The following MIDEAS variants were observed in gnomAD, a reference collection of about 807,000 sequenced individuals.
MIDEAS encodes mitotic deacetylase-associated SANT domain protein.
In MIDEAS, 26 loss-of-function variants were observed where a neutral mutation model predicts 102.7. The observed-to-expected ratio is 0.25, with a 90% CI of 0.19 to 0.35. The LOEUF is 0.35. Ranked by LOEUF, MIDEAS falls within the 10% of genes least tolerant of loss-of-function variation. The pLI is 1.00. For missense variants in MIDEAS, 1,231 were observed against 1,435.6 expected, an observed-to-expected ratio of 0.86 and a Z score of 2.30; for synonymous variants, 585 against 591.0, an observed-to-expected ratio of 0.99 and a Z score of 0.15.
At position 73,738,733 on chromosome 14, in the gene MIDEAS, G is replaced by A. The variant is rs760323523; in HGVS notation, c.1276C>T (p.Pro426Ser). The change falls in exon 2 of 13, where the codon CCT becomes TCT. Residue 426 changes from proline (P) to serine (S), a missense_variant. Around this residue, in one of 5 missense-constraint regions of MIDEAS, gnomAD observed 758 missense variants for 856.0 expected, o/e 0.89. Transcript: ENST00000423556. ...LAPNGREREA[P>S]AMGSEEGMRA... ...ATGCCCTCCTCGCTGCCCATGGCAG[G>A]AGCCTCTCGCTCCCGGCCATTGGGT... 10 of 1,612,520 alleles carry A rather than the reference G, an allele frequency of 6.2e-6. No homozygotes were observed. Among genetic ancestry groups the A allele is most frequent in the African/African-American group, 1.3e-5 (1 of 74,920 alleles).
At chr14:73,749,570 TATATA>T (rs1478966601) in intron 1 of MIDEAS, among the ~76,000 whole-genome samples, 22 of 147,486 alleles carry the variant, frequency 1.5e-4, no homozygotes, top group African/African-American at 2.2e-4. Context: ...TTTTATATAT[TATATA>T]ATATAATATA....
In MIDEAS at chr14:73,766,833, G is replaced by C. The variant is rs184676890; in HGVS notation, c.-248+20269C>G. Among the ~76,000 whole-genome samples, 377 of 146,504 alleles carry C rather than the reference G, an allele frequency of 2.6e-3. 10 individuals are homozygous for C. The highest frequency in any genetic ancestry group is 0.023 in the Admixed American group (330 of 14,384). Reference sequence around the variant, plus strand: ...CTCCCAAAGTGCTGGGTTTACAGGCGTGTGCCACTGCCCGGCCATTTTTTT... The same window carrying C: ...CTCCCAAAGTGCTGGGTTTACAGGCCTGTGCCACTGCCCGGCCATTTTTTT... On this transcript the variant is annotated intron_variant, in intron 1 of 11. Coordinates refer to the MIDEAS transcript ENST00000394071.
chr14:73,723,255 G>C (rs1008939408), intron 9 of MIDEAS: 2 of 158,868 alleles, frequency 1.3e-5, no homozygotes, highest in Admixed American at 1.2e-4. Flanking sequence ...AATAATTCTC[G>C]TGCCTCAGCT....
chr14:73,735,011 A>G (rs936559907), intron 3 of MIDEAS, among the ~76,000 whole-genome samples: 1 of 152,242 alleles, frequency 6.6e-6, no homozygotes, highest in Non-Finnish European at 1.5e-5. Context: ...CAAGTATTTA[A>G]GTAATTACAT....
chr14:73,756,295 T>TGTGTGTGTGTGTGTGTGCGCGC (rs55692592), intron 1 of MIDEAS, among the ~76,000 whole-genome samples: 4 of 127,626 alleles, frequency 3.1e-5, no homozygotes, highest in African/African-American at 1.1e-4. Flanking sequence ...TGTGTGTGTG[T>TGTGTGTGTGTGTGTGTGCGCGC]GCGCGCGCGC....
chr14:73,737,350 G>A (rs62006078), intron 2 of MIDEAS, 53 bp from the exon 3 acceptor site: 159,014 of 1,542,958 alleles, frequency 0.1, 16,841 homozygotes, highest in East Asian at 0.63. Context: ...ATAGCCAGGC[G>A]CAGTGGCTCA....
In MIDEAS at chr14:73,725,483, C is replaced by A; in HGVS notation, c.2486-123G>T. ...TGGTTTCTGCAGGCATCAGAGCCGG[C>A]TCCTCGTCCCACTTCCATGTGCCTC... On this transcript the variant is annotated intron_variant, in intron 8 of 12. Coordinates refer to ENST00000423556, the MANE Select transcript of MIDEAS (RefSeq NM_001367710.1). The surrounding 1 kb of genome is among the most constrained non-coding windows in gnomAD (Gnocchi z 4.1). The A allele has an allele frequency of 2.8e-6, 2 of 719,680 alleles. No homozygotes were observed. Among genetic ancestry groups the A allele is most frequent in the Non-Finnish European group, 4.8e-6 (2 of 412,436 alleles). The allele number at this position is 719,680 out of a possible 1,614,324, so 44.6% of individuals were successfully genotyped here.
At chr14:73,761,874 C>G (rs1329414036), upstream of MIDEAS, among the ~76,000 whole-genome samples, 2 of 152,170 alleles carry the variant, frequency 1.3e-5, no homozygotes, top group Non-Finnish European at 2.9e-5. Flanking sequence ...GCATCTGTGA[C>G]CTCTCTGCTC....
intron 1 of MIDEAS, among the ~76,000 whole-genome samples, chr14:73,756,287 T>TGCGCGCGC (rs1462045604): frequency 1.0e-5 from 1 of 99,612 alleles, no homozygotes; most frequent in African/African-American, 3.8e-5. Flanking sequence ...TGTGTGTGTG[T>TGCGCGCGC]GTGTGTGTGC....
chr14:73,782,228 A>G (rs990277816), intron 1 of MIDEAS, among the ~76,000 whole-genome samples: 3 of 152,180 alleles, frequency 2.0e-5, no homozygotes, highest in South Asian at 2.1e-4. Flanking sequence ...GCCAAGTCCA[A>G]TGCTAGGGTT....
rs1161086988 is a variant in MIDEAS at position 73,778,690 on chromosome 14, G to A, written c.-248+8412C>T. ...GGGAGGCTGAGGAGGGGACATGGAGGGCTAGGCCCTTACTGTAAAGTGTCT... is the reference window on the plus strand; with the variant it reads ...GGGAGGCTGAGGAGGGGACATGGAGAGCTAGGCCCTTACTGTAAAGTGTCT... On this transcript the variant is annotated intron_variant, in intron 1 of 11. Coordinates refer to the MIDEAS transcript ENST00000394071. 2.0e-5 allele frequency among the ~76,000 whole-genome samples: 3 copies of A among 151,918 alleles called. 1 individual carries two copies. Among genetic ancestry groups the A allele is most frequent in the African/African-American group, 4.8e-5 (2 of 41,406 alleles).
At chr14:73,726,476 C>A in intron 7 of MIDEAS, 128 bp downstream of exon 7, 2 of 900,512 alleles carry the variant, frequency 2.2e-6, no homozygotes, top group Non-Finnish European at 3.4e-6. Context: ...CCTACAGCCC[C>A]TTCCTTAGTC....
chr14:73,779,114 G>GAA (rs1207444668), intron 1 of MIDEAS, among the ~76,000 whole-genome samples: 3 of 151,874 alleles, frequency 2.0e-5, no homozygotes, highest in African/African-American at 7.2e-5. Context: ...AGCCGGGCAT[G>GAA]GTTGGCGCAT....
chr14:73,785,111 C>T (rs2053794045), intron 1 of MIDEAS, among the ~76,000 whole-genome samples: 1 of 152,250 alleles, frequency 6.6e-6, no homozygotes, highest in Non-Finnish European at 1.5e-5. Flanking sequence ...CCTAGCCACA[C>T]AGCAACGTAG....
chr14:73,728,242 C>T (rs1255845428), intron 4 of MIDEAS: 2 of 128,600 alleles, frequency 1.6e-5, no homozygotes, highest in African/African-American at 6.5e-5. Flanking sequence ...ATGATCAAAA[C>T]ACTCCTTTGC....
chr14:73,784,231 G>C (rs1054930103), intron 1 of MIDEAS, among the ~76,000 whole-genome samples: 3 of 152,236 alleles, frequency 2.0e-5, no homozygotes, highest in Non-Finnish European at 2.9e-5. Flanking sequence ...CCGTGAACTA[G>C]GCAGCAACTT....
At chr14:73,736,954 A>G (rs772780987) in intron 3 of MIDEAS, 44 bp downstream of exon 3, 1 of 1,577,432 alleles carries the variant, frequency 6.3e-7, no homozygotes, top group South Asian at 1.1e-5. Flanking sequence ...GGGCCCCCTG[A>G]GCACTCACGC....
chr14:73,742,496 T>A lies in MIDEAS; in HGVS notation c.-247-2241A>T, dbSNP rs1040779559. 6.6e-6 allele frequency among the ~76,000 whole-genome samples: 1 copy of A among 151,968 alleles called. No homozygotes were observed. The highest frequency in any genetic ancestry group is 1.5e-5 in the Non-Finnish European group (1 of 67,988). ...GCAGGGGCCAGAGGCCAGATGCAGG[T>A]CTTACAGGGGCTTACCCACAGCTGT... On this transcript the variant is annotated intron_variant, in intron 1 of 12. Coordinates refer to ENST00000423556, the MANE Select transcript of MIDEAS (RefSeq NM_001367710.1). This position sits in a 1 kb window ranked among gnomAD's most constrained non-coding sequence, Gnocchi z 4.4.
Position 73,719,294 on chromosome 14 carries a change from G to A in MIDEAS, c.3134+11C>T. On this transcript the variant is annotated intron_variant, in intron 12 of 12. Coordinates refer to ENST00000423556, the MANE Select transcript of MIDEAS (RefSeq NM_001367710.1). ...CGGGGGTCCCAGCGGGGACAGCGCT[G>A]CCCACCTTACCTGCCACATTTTTTA... The A allele has an allele frequency of 6.2e-7, 1 of 1,603,904 alleles. No individual in the cohort carries two copies. Among genetic ancestry groups the A allele is most frequent in the South Asian group, 1.1e-5 (1 of 90,806 alleles).
Sources: gnomAD v4.1 joint callset for allele counts (sites outside exome capture counted in the v4.1 genomes callset) on GRCh38, gnomAD v4.1.1 for gene constraint, gnomAD v4.1.1 regional missense constraint, Gnocchi (gnomAD v3.1) non-coding constraint, MANE v1.5 for transcripts, NCBI Gene and HGNC (gene_info 2026-07-23, HGNC 2026-07-21) for gene names.